Variants in SNAP91 observed in about 807,000 individuals in gnomAD.
The protein encoded by SNAP91 is synaptosome associated protein 91.
A neutral mutation model predicts 100.3 loss-of-function variants in SNAP91; 27 were observed. The ratio of observed to expected loss-of-function variants is 0.27; its 90% CI spans 0.20 to 0.37. SNAP91 has a LOEUF of 0.37. Among genes scored for constraint, SNAP91 ranks in the 10% least tolerant of loss-of-function variants. The pLI is 1.00. For missense variants in SNAP91, 986 were observed against 1,123.7 expected (o/e 0.88, Z 1.75); for synonymous variants, 404 against 398.6 (o/e 1.01, Z -0.16).
chr6:83,633,849 T>C (rs910686141), intron 8 of SNAP91, among the ~76,000 whole-genome samples: 7 of 151,758 alleles, frequency 4.6e-5, no homozygotes, highest in Non-Finnish European at 7.4e-5. Flanking sequence ...CCCCTGCCTG[T>C]GGTGTCTGCA....
chr6:83,612,211 A>G (rs144264059), intron 11 of SNAP91, among the ~76,000 whole-genome samples: 281 of 152,264 alleles, frequency 1.8e-3, no homozygotes, highest in African/African-American at 6.5e-3. Context: ...TAAGAGTAAT[A>G]TAGTCTATGA....
intron 26 of SNAP91, among the ~76,000 whole-genome samples, chr6:83,565,093 GGATGTTATAGGGTAGCA>G (rs1414912629): frequency 2.0e-5 from 3 of 151,238 alleles, no homozygotes; most frequent in Non-Finnish European, 4.4e-5. Context: ...AATGGGCTAA[GGATGTTATAGGGTAGCA>G]GAATATGCCA....
chr6:83,619,472 A>C (rs2096627707), intron 9 of SNAP91, among the ~76,000 whole-genome samples: 1 of 152,186 alleles, frequency 6.6e-6, no homozygotes, highest in Admixed American at 6.5e-5. Context: ...CTGTTGTAAA[A>C]GGAATTTAAT....
In SNAP91 at chr6:83,612,604, G is replaced by A. The variant is rs191827246; in HGVS notation, c.885-1927C>T. On this transcript the variant is annotated intron_variant, in intron 11 of 29. Transcript: ENST00000369694. ...AAAGAAAAGAGAAGAGGCCAGGTGC[G>A]GTGGCTCACGCCTGTAATCCCAGCA... Among the ~76,000 whole-genome samples the A allele has an allele frequency of 3.3e-3, 495 of 152,154 alleles. 3 individuals are homozygous for A. The highest frequency in any genetic ancestry group is 0.011 in the African/African-American group (444 of 41,544).
At chr6:83,596,753 CAATTAAAGATTTTTTTTTT>C (rs2094518572) in intron 16 of SNAP91, among the ~76,000 whole-genome samples, 1 of 94,460 alleles carries the variant, frequency 1.1e-5, no homozygotes, top group African/African-American at 4.8e-5. Context: ...TATACTTTTT[CAATTAAAGATTTTTTTTTT>C]AAAAAGTCTG....
chr6:83,600,824 T>C (rs559421254), intron 16 of SNAP91, among the ~76,000 whole-genome samples: 2 of 152,340 alleles, frequency 1.3e-5, no homozygotes, highest in East Asian at 3.9e-4. Context: ...TACTCTTAGA[T>C]TATTTTTTGC....
chr6:83,593,615 G>T lies in SNAP91; in HGVS notation c.1559C>A (p.Ala520Glu). 1 of 1,602,386 alleles carries T rather than the reference G, an allele frequency of 6.2e-7. No individual in the cohort carries two copies. Among genetic ancestry groups the T allele is most frequent in the Non-Finnish European group, 8.5e-7 (1 of 1,174,318 alleles). The stretch of plus-strand genomic sequence containing the variant: ...GGCAGGAGCAGGAGAAGGAGCAGTT[G>T]CGGGAACTGGAGGGGCTGTGCTAGC... ...PTASTAPPVP[A>E]TAPSPAPAVA... Residue 520 changes from alanine (A) to glutamate (E), a missense_variant, in exon 18 of 30, where the codon GCA becomes GAA. Around this residue, in one of 4 missense-constraint regions of SNAP91, gnomAD observed 575 missense variants for 579.9 expected, o/e 0.99. Coordinates refer to ENST00000369694, the MANE Select transcript of SNAP91 (RefSeq NM_001242792.2).
intron 5 of SNAP91, among the ~76,000 whole-genome samples, chr6:83,660,778 A>G (rs2098527011): frequency 6.9e-6 from 1 of 145,964 alleles, no homozygotes. Context: ...GCTATTTTCC[A>G]TCTTTTTTTT....
chr6:83,584,669 C>T (rs906495405), intron 22 of SNAP91, among the ~76,000 whole-genome samples: 3 of 152,186 alleles, frequency 2.0e-5, no homozygotes, highest in Non-Finnish European at 4.4e-5. Context: ...AGAAAATCAG[C>T]AGTTTTAAAT....
At chr6:83,706,212 G>C (rs1370553251) in intron 2 of SNAP91, among the ~76,000 whole-genome samples, 4 of 152,174 alleles carry the variant, frequency 2.6e-5, no homozygotes, top group African/African-American at 9.7e-5. Context: ...TTATAGATCA[G>C]CATGTAGCAA....
At chr6:83,597,382 G>T (rs995961512) in intron 16 of SNAP91, among the ~76,000 whole-genome samples, 13 of 152,134 alleles carry the variant, frequency 8.5e-5, no homozygotes, top group African/African-American at 3.1e-4. Flanking sequence ...TAAATATCTA[G>T]TTTTTTTCAT....
intron 2 of SNAP91, among the ~76,000 whole-genome samples, chr6:83,670,946 C>G (rs941272660): frequency 6.6e-6 from 1 of 151,936 alleles, no homozygotes; most frequent in African/African-American, 2.4e-5. Context: ...GTTAGCCCTT[C>G]AAGTTTATTA....
At chr6:83,572,345 C>T (rs749551451) in intron 26 of SNAP91, among the ~76,000 whole-genome samples, 4 of 152,182 alleles carry the variant, frequency 2.6e-5, no homozygotes, top group Non-Finnish European at 5.9e-5. Flanking sequence ...CTCCTGGGTT[C>T]AAGTGATTCT....
chr6:83,595,127 G>T lies in SNAP91; in HGVS notation c.1325-646C>A, dbSNP rs574161141. On this transcript the variant is annotated intron_variant, in intron 16 of 29. Coordinates refer to ENST00000369694, the MANE Select transcript of SNAP91 (RefSeq NM_001242792.2). Reference sequence around the variant, plus strand: ...TTTACTAAGCATTCCTAAGTGTTAAGTTTACTAAGGTTTACTAAGTATGAG... The same window carrying T: ...TTTACTAAGCATTCCTAAGTGTTAATTTTACTAAGGTTTACTAAGTATGAG... Among the ~76,000 whole-genome samples the T allele has an allele frequency of 4.0e-5, 6 of 151,004 alleles. No homozygotes were observed. The South Asian group carries it at 1.3e-3, about 32-fold the overall frequency.
At chr6:83,582,477 C>T (rs1186441200) in intron 22 of SNAP91, 121 bp from the exon 23 acceptor site, 2 of 1,001,152 alleles carry the variant, frequency 2.0e-6, no homozygotes, top group Admixed American at 5.9e-5. Context: ...GATTAGCAGT[C>T]AGTGAAACAG....
intron 6 of SNAP91, among the ~76,000 whole-genome samples, chr6:83,658,159 T>TCC (rs1396915971): frequency 6.6e-6 from 1 of 152,074 alleles, no homozygotes; most frequent in Admixed American, 6.6e-5. Flanking sequence ...TACAGAAAGC[T>TCC]CCCATATACC....
intron 11 of SNAP91, among the ~76,000 whole-genome samples, chr6:83,612,894 C>CAA (rs11451494): frequency 0.05 from 4,678 of 93,972 alleles, 313 homozygotes; most frequent in African/African-American, 0.068. Context: ...GACTCAGTCT[C>CAA]AAAAAAAAAA....
intron 7 of SNAP91, among the ~76,000 whole-genome samples, chr6:83,641,669 T>C (rs1157185228): frequency 6.6e-6 from 1 of 152,238 alleles, no homozygotes; most frequent in Non-Finnish European, 1.5e-5. Flanking sequence ...CTTTAAGTTT[T>C]CTACACTAAG....
intron 8 of SNAP91, among the ~76,000 whole-genome samples, chr6:83,636,463 A>C (rs2097452187): frequency 6.6e-6 from 1 of 152,184 alleles, no homozygotes; most frequent in African/African-American, 2.4e-5. Context: ...TCTGTCATTA[A>C]GGCTTCCAAC....
Sources: gnomAD v4.1 joint callset for allele counts (sites outside exome capture counted in the v4.1 genomes callset) on GRCh38, gnomAD v4.1.1 for gene constraint, gnomAD v4.1.1 regional missense constraint, MANE v1.5 for transcripts, NCBI Gene and HGNC (gene_info 2026-07-23, HGNC 2026-07-21) for gene names.